PLEKHA6: variants seen among roughly 807,000 people sequenced by gnomAD.
PLEKHA6 encodes the protein pleckstrin homology domain containing A6, also known as pleckstrin homology domain-containing family A member 6.
In PLEKHA6, 60 loss-of-function variants were observed where a neutral mutation model predicts 116.7. The ratio of observed to expected loss-of-function variants is 0.51; its 90% confidence interval spans 0.42 to 0.64. The LOEUF is 0.64. Ranked by LOEUF, PLEKHA6 falls within the 30% of genes least tolerant of loss-of-function variation. The pLI is 0.00. For missense variants in PLEKHA6, 1,338 were observed against 1,422.7 expected, an observed-to-expected ratio of 0.94 and a Z score of 0.96; for synonymous variants, 489 against 556.1, an observed-to-expected ratio of 0.88 and a Z score of 1.70.
At chr1:204,246,100 C>T (rs1408222594) in intron 13 of PLEKHA6, among the ~76,000 whole-genome samples, 2 of 152,170 alleles carry the variant, frequency 1.3e-5, no homozygotes, top group East Asian at 3.8e-4. Context: ...TACTGCTTTT[C>T]TTCACATCCA....
At chr1:204,281,442 G>A (rs982203043) in intron 1 of PLEKHA6, among the ~76,000 whole-genome samples, 5 of 151,998 alleles carry the variant, frequency 3.3e-5, no homozygotes, top group East Asian at 1.9e-4. Context: ...GGAGAATGGC[G>A]TGAACCCAGG....
intron 1 of PLEKHA6, among the ~76,000 whole-genome samples, chr1:204,285,500 C>T (rs113677195): frequency 2.7e-5 from 4 of 146,750 alleles, no homozygotes; most frequent in African/African-American, 1.0e-4. Flanking sequence ...TTTTGAGACA[C>T]GTTCTTGTTC....
chr1:204,360,717 C>T (rs1218033927), upstream of PLEKHA6, among the ~76,000 whole-genome samples: 1 of 151,858 alleles, frequency 6.6e-6, no homozygotes, highest in East Asian at 1.9e-4. Flanking sequence ...GTGAGTGGGG[C>T]CTTGCAGAAA....
At chr1:204,369,378 C>G (rs1032265749) in intron 2 of PLEKHA6, 3 of 152,170 alleles carry the variant, frequency 2.0e-5, no homozygotes, top group African/African-American at 7.2e-5. Flanking sequence ...CACACTCTTT[C>G]CTCTGTGCCG....
At chr1:204,321,448 C>G (rs911817447) in intron 1 of PLEKHA6, among the ~76,000 whole-genome samples, 1 of 151,726 alleles carries the variant, frequency 6.6e-6, no homozygotes. Flanking sequence ...TACTGCCCCC[C>G]TGCAGTGCAC....
chr1:204,329,237 G>A (rs957600200), intron 1 of PLEKHA6, among the ~76,000 whole-genome samples: 3 of 152,162 alleles, frequency 2.0e-5, no homozygotes, highest in African/African-American at 7.2e-5. Flanking sequence ...CCATCAGTAC[G>A]AAGACTTAAA....
In PLEKHA6 at chr1:204,316,891, G is replaced by A. The variant is rs147229358; in HGVS notation, c.-94-42082C>T. Among the ~76,000 whole-genome samples, 1,021 of 152,298 alleles carry A rather than the reference G, an allele frequency of 6.7e-3. 37 individuals are homozygous for A. The highest frequency in any genetic ancestry group is 0.059 in the Admixed American group (901 of 15,304). Reference sequence around the variant, plus strand: ...CCAGGCGCAACTAGGGCTGAAGAACGGAGAAGCCAAATGATGAACCCCAGA... The same window carrying A: ...CCAGGCGCAACTAGGGCTGAAGAACAGAGAAGCCAAATGATGAACCCCAGA... On this transcript the variant is annotated intron_variant, in intron 1 of 22. Transcript: ENST00000272203.
chr1:204,366,498 C>G (rs1045019406), intron 3 of PLEKHA6, among the ~76,000 whole-genome samples: 1 of 152,332 alleles, frequency 6.6e-6, no homozygotes, highest in East Asian at 1.9e-4. Flanking sequence ...TGGTGGCTCA[C>G]GCCTGTAATC....
intron 1 of PLEKHA6, among the ~76,000 whole-genome samples, chr1:204,276,155 G>A (rs887766857): frequency 2.0e-5 from 3 of 151,986 alleles, no homozygotes; most frequent in Non-Finnish European, 4.4e-5. Context: ...CAAAGCTATC[G>A]TGCTCAGATG....
chr1:204,340,635 G>A (rs1003682000), intron 1 of PLEKHA6, among the ~76,000 whole-genome samples: 1 of 152,194 alleles, frequency 6.6e-6, no homozygotes, highest in African/African-American at 2.4e-5. Context: ...GGCCATGTCA[G>A]AGAGGTCTTT....
At position 204,359,698 on chromosome 1, in the gene PLEKHA6, T is replaced by C; in HGVS notation, c.-99A>G. On this transcript the variant is annotated 5_prime_UTR_variant, in exon 1 of 23. Coordinates refer to ENST00000272203, the MANE Select transcript of PLEKHA6 (RefSeq NM_014935.5). ...GATGCATGAAAACAGACTCACCGGCTTCTGAGGTGTGATCCCCGCGCTGGA... is the reference window on the plus strand; with the variant it reads ...GATGCATGAAAACAGACTCACCGGCCTCTGAGGTGTGATCCCCGCGCTGGA... 1.0e-6 allele frequency: 1 copy of C among 977,918 alleles called. No homozygotes were observed. Among genetic ancestry groups the C allele is most frequent in the Non-Finnish European group, 1.2e-6 (1 of 823,128 alleles). The allele number at this position is 977,918 out of a possible 1,614,324, so 60.6% of individuals were successfully genotyped here.
At chr1:204,335,825 G>A (rs1483306422) in intron 1 of PLEKHA6, among the ~76,000 whole-genome samples, 1 of 152,132 alleles carries the variant, frequency 6.6e-6, no homozygotes, top group African/African-American at 2.4e-5. Context: ...GGGCACATCT[G>A]TACCTGTCTT....
At chr1:204,240,183 A>G (rs1264505461) in intron 17 of PLEKHA6, among the ~76,000 whole-genome samples, 3 of 152,228 alleles carry the variant, frequency 2.0e-5, no homozygotes, top group East Asian at 1.9e-4. Flanking sequence ...GAGATCCATT[A>G]GGGCATCTCT....
intron 1 of PLEKHA6, among the ~76,000 whole-genome samples, chr1:204,300,146 A>C (rs934919249): frequency 6.6e-5 from 10 of 152,212 alleles, no homozygotes; most frequent in African/African-American, 2.2e-4. Context: ...CATCTTCAGC[A>C]GATTGAATTA....
intron 1 of PLEKHA6, among the ~76,000 whole-genome samples, chr1:204,283,846 G>T (rs2102983587): frequency 6.6e-6 from 1 of 152,326 alleles, no homozygotes; most frequent in East Asian, 1.9e-4. Flanking sequence ...TGGATGTAGG[G>T]GCATGGAAGG....
At chr1:204,299,539 G>A (rs902111231) in intron 1 of PLEKHA6, 27 of 748,774 alleles carry the variant, frequency 3.6e-5, no homozygotes, top group Non-Finnish European at 4.1e-5. Flanking sequence ...GCTCTGAGCC[G>A]GCAGCCAGCA....
intron 1 of PLEKHA6, chr1:204,311,794 T>C (rs1247692775): frequency 8.1e-6 from 4 of 491,822 alleles, no homozygotes; most frequent in Non-Finnish European, 1.1e-5. Context: ...TTTATTTCTT[T>C]AGAGGAGGAA....
intron 3 of PLEKHA6, among the ~76,000 whole-genome samples, chr1:204,366,131 G>A (rs1470107896): frequency 6.6e-6 from 1 of 152,230 alleles, no homozygotes; most frequent in Non-Finnish European, 1.5e-5. Flanking sequence ...AGGGACTGGT[G>A]AGATGCCGTA....
chr1:204,250,664 G>T, intron 9 of PLEKHA6, 50 bp from the exon 10 acceptor site: 1 of 1,249,018 alleles, frequency 8.0e-7, no homozygotes, highest in Non-Finnish European at 1.2e-6. Context: ...ATGAGGGTAT[G>T]CAGGGATAGG....
Sources: allele counts gnomAD v4.1 joint callset (sites outside exome capture counted in the v4.1 genomes callset), GRCh38; gene constraint gnomAD v4.1.1; transcripts MANE v1.5; gene names NCBI Gene and HGNC (gene_info 2026-07-23, HGNC 2026-07-21).